KSR1: variants seen among roughly 807,000 people sequenced by gnomAD.
The protein encoded by KSR1 is kinase suppressor of ras 1.
In KSR1, 35 loss-of-function variants were observed where a neutral mutation model predicts 92.9. That is an observed-to-expected ratio of 0.38 (90% CI 0.29 to 0.50). The LOEUF is 0.50. Among genes scored for constraint, KSR1 ranks in the 20% least tolerant of loss-of-function variants. The probability of loss-of-function intolerance (pLI) is 0.94; values close to 1 mark genes in which losing one functional copy is unlikely to be tolerated. For synonymous variants in KSR1, 467 were observed against 472.6 expected, an observed-to-expected ratio of 0.99 and a Z score of 0.15; for missense variants, 972 against 1,158.5, an observed-to-expected ratio of 0.84 and a Z score of 2.34.
Position 27,459,894 on chromosome 17 carries a change from G to A in KSR1, c.231+3020G>A, listed in dbSNP as rs535051795. On this transcript the variant is annotated intron_variant, in intron 1 of 20. Transcript: ENST00000644974. The surrounding 1 kb of genome is among the most constrained non-coding windows in gnomAD (Gnocchi z 4.6). Reference sequence around the variant, plus strand: ...TGGTGGTCCAGTTTGGATGGAAAAGGGTAGAAGGAGCTGAGACTTAACGTT... The same window carrying A: ...TGGTGGTCCAGTTTGGATGGAAAAGAGTAGAAGGAGCTGAGACTTAACGTT... Among the ~76,000 whole-genome samples, 1 of 152,320 alleles carries A rather than the reference G, an allele frequency of 6.6e-6. No individual in the cohort carries two copies. The highest frequency in any genetic ancestry group is 1.9e-4 in the East Asian group (1 of 5,188).
chr17:27,568,814 G>A (rs1318607994), intron 2 of KSR1, among the ~76,000 whole-genome samples: 2 of 152,186 alleles, frequency 1.3e-5, no homozygotes, highest in Non-Finnish European at 2.9e-5. Context: ...TGAGGGGCAC[G>A]TCCTGTCCCT....
rs1355684800 is a variant in KSR1, at chr17:27,611,530, C to A, written c.2394C>A (p.Pro798=). The stretch of plus-strand genomic sequence containing the variant: ...ATGAGCTGCAAGCAAGAGACTGGCC[C>A]TTGAAGAACCAGGCTGCAGAGGCAT... The part of the protein sequence containing the change: ...VWYELQARDW[P]LKNQAAEASI... Residue 798 remains proline (P), a synonymous_variant, in exon 18 of 21, where the codon CCC becomes CCA. Coordinates refer to ENST00000644974, the MANE Select transcript of KSR1 (RefSeq NM_001394583.1). 1 of 1,613,778 alleles carries A rather than the reference C, an allele frequency of 6.2e-7. No individual in the cohort carries two copies. Among genetic ancestry groups the A allele is most frequent in the Non-Finnish European group, 8.5e-7 (1 of 1,179,802 alleles).
intron 15 of KSR1, among the ~76,000 whole-genome samples, chr17:27,608,442 G>A (rs17716957): frequency 0.014 from 2,122 of 152,274 alleles, 23 homozygotes; most frequent in East Asian, 0.057. Flanking sequence ...CCCTGGGTCT[G>A]GTGTTTGAAG....
chr17:27,462,711 T>A (rs1377590996), intron 1 of KSR1, among the ~76,000 whole-genome samples: 1 of 152,246 alleles, frequency 6.6e-6, no homozygotes, highest in Non-Finnish European at 1.5e-5. Flanking sequence ...AAATACATAA[T>A]GATATATGTT....
At chr17:27,460,091 T>G (rs976864085) in intron 1 of KSR1, among the ~76,000 whole-genome samples, 4 of 152,154 alleles carry the variant, frequency 2.6e-5, no homozygotes, top group African/African-American at 9.7e-5. Flanking sequence ...TACTTCATCC[T>G]GGCAGGAGCT....
intron 1 of KSR1, among the ~76,000 whole-genome samples, chr17:27,487,106 T>C (rs1597863327): frequency 1.3e-5 from 2 of 152,198 alleles, no homozygotes; most frequent in Non-Finnish European, 2.9e-5. Flanking sequence ...TATGTTGCTA[T>C]ACAGGACTAC....
intron 1 of KSR1, among the ~76,000 whole-genome samples, chr17:27,524,222 T>G (rs1022463194): frequency 1.3e-5 from 2 of 151,924 alleles, no homozygotes; most frequent in African/African-American, 4.8e-5. Context: ...TGGGCATGTC[T>G]GGGAGGAGAG....
At chr17:27,520,902 CT>C (rs781386718) in intron 1 of KSR1, among the ~76,000 whole-genome samples, 2 of 152,238 alleles carry the variant, frequency 1.3e-5, no homozygotes, top group Non-Finnish European at 2.9e-5. Flanking sequence ...GCCAGTTGGC[CT>C]AACTGGAATC....
intron 17 of KSR1, 74 bp downstream of exon 17, chr17:27,610,272 G>A: frequency 6.3e-7 from 1 of 1,597,434 alleles, no homozygotes; most frequent in Non-Finnish European, 8.6e-7. Flanking sequence ...GGGGGCAGAG[G>A]GAGGCATGCT....
chr17:27,541,987 T>TA (rs2070984260), intron 1 of KSR1, among the ~76,000 whole-genome samples: 1 of 152,238 alleles, frequency 6.6e-6, no homozygotes, highest in Non-Finnish European at 1.5e-5. Flanking sequence ...CAATGTTGAA[T>TA]ACACAGTACA....
Position 27,528,241 on chromosome 17 carries a change from A to G in KSR1, c.232-22327A>G, listed in dbSNP as rs141931978. ...GCCACCATGCCTGGCTAATTTTTGT[A>G]TTTTTAGTAGAGAGAGGGTGTCACC... is the stretch of plus-strand genomic sequence containing the variant. On this transcript the variant is annotated intron_variant, in intron 1 of 20. Coordinates refer to ENST00000644974, the MANE Select transcript of KSR1 (RefSeq NM_001394583.1). Among the ~76,000 whole-genome samples the G allele has an allele frequency of 4.4e-3, 666 of 151,634 alleles. 6 individuals are homozygous for G. The highest frequency in any genetic ancestry group is 0.015 in the African/African-American group (640 of 41,332).
At chr17:27,608,465 T>C (rs2073824736) in intron 15 of KSR1, among the ~76,000 whole-genome samples, 1 of 152,202 alleles carries the variant, frequency 6.6e-6, no homozygotes, top group Non-Finnish European at 1.5e-5. Flanking sequence ...AGCTTGACCT[T>C]GGATGAGATC....
rs752846623 is a variant in KSR1 at position 27,610,094 on chromosome 17, C to T, written c.2253C>T (p.His751=). The T allele has an allele frequency of 8.7e-6, 14 of 1,613,898 alleles. No individual in the cohort carries two copies. Among genetic ancestry groups the T allele is most frequent in the Admixed American group, 5.0e-5 (3 of 60,012 alleles). Residue 751 remains histidine (H), a synonymous_variant, in exon 17 of 21, where the codon CAC becomes CAT. Coordinates refer to ENST00000644974, the MANE Select transcript of KSR1 (RefSeq NM_001394583.1). ...GRRENQLKLS[H]DWLCYLAPEI... ...GTGAGAACCAGCTAAAGCTGTCCCA[C>T]GACTGGCTGTGCTATCTGGCCCCTG...
intron 1 of KSR1, among the ~76,000 whole-genome samples, chr17:27,488,841 G>T (rs1248568960): frequency 1.3e-5 from 2 of 152,226 alleles, no homozygotes; most frequent in Non-Finnish European, 2.9e-5. Context: ...GCGCATGCCT[G>T]CAGTCCCAGC....
intron 1 of KSR1, among the ~76,000 whole-genome samples, chr17:27,468,119 A>T (rs2019792695): frequency 1.4e-5 from 2 of 143,964 alleles, no homozygotes; most frequent in South Asian, 4.4e-4. Flanking sequence ...GCCCGGCCAT[A>T]TTTTTTTTTT....
chr17:27,533,203 A>G (rs566943972), intron 1 of KSR1, among the ~76,000 whole-genome samples: 1 of 152,124 alleles, frequency 6.6e-6, no homozygotes, highest in Admixed American at 6.5e-5. Context: ...CCTCATCCTC[A>G]GTTTACGCCT....
At chr17:27,557,178 G>A (rs1195463599) in intron 2 of KSR1, among the ~76,000 whole-genome samples, 2 of 152,192 alleles carry the variant, frequency 1.3e-5, no homozygotes, top group Non-Finnish European at 2.9e-5. Context: ...TGGTTTGGAG[G>A]ATATTAGAGC....
rs16966365 is a variant in KSR1, at chr17:27,626,177, C to T, written c.*2785C>T. 31,332 of 152,262 alleles carry T rather than the reference C, an allele frequency of 0.21. 3,412 individuals are homozygous for T. Among genetic ancestry groups the T allele is most frequent in the Admixed American group, 0.28 (4,295 of 15,300 alleles). 9.4% of individuals were successfully genotyped at this position (152,262 alleles called of 1,614,324 possible). ...GCAGCAGTGTTAGCCAGGATCTCATCAGCGTGCAAACCTAGCATCTTCTGT... is the reference window on the plus strand; with the variant it reads ...GCAGCAGTGTTAGCCAGGATCTCATTAGCGTGCAAACCTAGCATCTTCTGT... On this transcript the variant is annotated 3_prime_UTR_variant, in exon 21 of 21. Transcript: ENST00000644974.
chr17:27,497,084 G>A (rs1364448899), intron 1 of KSR1, among the ~76,000 whole-genome samples: 2 of 152,246 alleles, frequency 1.3e-5, no homozygotes, highest in Admixed American at 6.5e-5. Context: ...ATGCGGAGCT[G>A]CTCATTAAAG....
Sources: gnomAD v4.1 joint callset for allele counts (sites outside exome capture counted in the v4.1 genomes callset) on GRCh38, gnomAD v4.1.1 for gene constraint, Gnocchi (gnomAD v3.1) non-coding constraint, MANE v1.5 for transcripts, NCBI Gene and HGNC (gene_info 2026-07-23, HGNC 2026-07-21) for gene names.